Variants in ANKS1B observed in about 807,000 individuals in gnomAD.
ANKS1B encodes the protein ankyrin repeat and sterile alpha motif domain-containing protein 1B.
A neutral mutation model predicts 148.3 loss-of-function variants in ANKS1B; 36 were observed. That is an observed-to-expected ratio of 0.24 (90% CI 0.19 to 0.32). The LOEUF is 0.32. Ranked by LOEUF, ANKS1B falls within the 10% of genes least tolerant of loss-of-function variation. ANKS1B has a pLI of 1.00. For missense variants in ANKS1B, 1,157 were observed against 1,542.6 expected, an observed-to-expected ratio of 0.75 and a Z score of 4.19; for synonymous variants, 542 against 560.8, an observed-to-expected ratio of 0.97 and a Z score of 0.47.
At chr12:99,646,432 C>T (rs1051993232) in intron 9 of ANKS1B, among the ~76,000 whole-genome samples, 3 of 151,814 alleles carry the variant, frequency 2.0e-5, no homozygotes, top group African/African-American at 4.8e-5. Flanking sequence ...CCAAGGCGGG[C>T]GAATCACGAG....
chr12:99,649,215 T>C, intron 9 of ANKS1B: 1 of 1,167,014 alleles, frequency 8.6e-7, no homozygotes. Context: ...AATTTCTTTT[T>C]GTTGTTTACC....
At chr12:98,821,854 G>T (rs577979903) in intron 19 of ANKS1B, among the ~76,000 whole-genome samples, 1 of 151,574 alleles carries the variant, frequency 6.6e-6, no homozygotes, top group East Asian at 1.9e-4. Context: ...GTGATCCACC[G>T]GCCTCAGCCT....
intron 15 of ANKS1B, among the ~76,000 whole-genome samples, chr12:99,152,861 C>G (rs1367257148): frequency 6.6e-6 from 1 of 152,012 alleles, no homozygotes; most frequent in Non-Finnish European, 1.5e-5. Flanking sequence ...TTCTTAATGC[C>G]ATCTGTTTAG....
At chr12:99,369,812 G>A (rs1428715026) in intron 12 of ANKS1B, among the ~76,000 whole-genome samples, 14 of 144,840 alleles carry the variant, frequency 9.7e-5, no homozygotes, top group African/African-American at 2.1e-4. Context: ...ACAGACGGAC[G>A]GACGGACAGA....
At chr12:99,556,057 T>C (rs192427052) in intron 9 of ANKS1B, among the ~76,000 whole-genome samples, 9 of 152,332 alleles carry the variant, frequency 5.9e-5, no homozygotes, top group Non-Finnish European at 4.4e-5. Context: ...TGAATCCATC[T>C]GATCCAGGGC....
intron 12 of ANKS1B, among the ~76,000 whole-genome samples, chr12:99,297,681 C>T (rs372139454): frequency 6.6e-5 from 10 of 152,086 alleles, no homozygotes; most frequent in South Asian, 4.1e-4. Flanking sequence ...GTGGTCCTTA[C>T]GTGGCCTTCA....
rs79302914 is a variant in ANKS1B at position 99,840,426 on chromosome 12, G to C, written c.135-15037C>G. On this transcript the variant is annotated intron_variant, in intron 1 of 26. Coordinates refer to ENST00000683438, the MANE Select transcript of ANKS1B (RefSeq NM_001352186.2). Reference sequence around the variant, plus strand: ...ATCGGAGAGTTTTGAATGGAGAAATGACATGATCTGACTTGTATTCTGCTG... The same window carrying C: ...ATCGGAGAGTTTTGAATGGAGAAATCACATGATCTGACTTGTATTCTGCTG... Among the ~76,000 whole-genome samples, 1,227 of 152,196 alleles carry C rather than the reference G, an allele frequency of 8.1e-3. 16 individuals are homozygous for C. Among genetic ancestry groups the C allele is most frequent in the African/African-American group, 0.028 (1,161 of 41,532 alleles).
At chr12:98,878,159 ATT>A (rs57350939) in intron 17 of ANKS1B, among the ~76,000 whole-genome samples, 13 of 149,292 alleles carry the variant, frequency 8.7e-5, no homozygotes, top group East Asian at 3.9e-4. Context: ...ACATTTTCTA[ATT>A]TTTTTTTTCC....
At chr12:98,823,113 A>G (rs1487292142) in intron 19 of ANKS1B, among the ~76,000 whole-genome samples, 1 of 152,252 alleles carries the variant, frequency 6.6e-6, no homozygotes, top group Non-Finnish European at 1.5e-5. Context: ...TGTGTTGGTC[A>G]TAGCTGGCTA....
chr12:98,773,506 G>A (rs1318486133), intron 24 of ANKS1B, among the ~76,000 whole-genome samples: 1 of 152,174 alleles, frequency 6.6e-6, no homozygotes, highest in African/African-American at 2.4e-5. Flanking sequence ...TCAGGCTGAA[G>A]TGCAGTGGTG....
chr12:99,326,616 T>C (rs2086352545), intron 12 of ANKS1B, among the ~76,000 whole-genome samples: 2 of 152,096 alleles, frequency 1.3e-5, no homozygotes, highest in African/African-American at 4.8e-5. Context: ...ACTTGAGGGA[T>C]GAACTAAATG....
chr12:99,968,653 A>C (rs1013310892), intron 1 of ANKS1B, among the ~76,000 whole-genome samples: 4 of 152,160 alleles, frequency 2.6e-5, no homozygotes, highest in Non-Finnish European at 5.9e-5. Flanking sequence ...AATAAATCCC[A>C]CGTACATGGT....
intron 6 of ANKS1B, among the ~76,000 whole-genome samples, chr12:99,776,376 A>G (rs1277494179): frequency 1.3e-5 from 2 of 152,214 alleles, no homozygotes; most frequent in Non-Finnish European, 2.9e-5. Context: ...ACTATGACAC[A>G]TGCACTAAAT....
intron 9 of ANKS1B, among the ~76,000 whole-genome samples, chr12:99,567,801 T>G (rs1358790770): frequency 2.0e-5 from 3 of 152,170 alleles, no homozygotes; most frequent in Non-Finnish European, 4.4e-5. Context: ...AGACCATAAC[T>G]GCTCTTACCA....
At chr12:99,177,973 G>A (rs1030629784) in intron 14 of ANKS1B, among the ~76,000 whole-genome samples, 3 of 152,176 alleles carry the variant, frequency 2.0e-5, no homozygotes, top group African/African-American at 7.2e-5. Context: ...AGTGGCACGT[G>A]TTCACTGCAA....
intron 17 of ANKS1B, among the ~76,000 whole-genome samples, chr12:98,947,239 G>T (rs565103167): frequency 2.0e-5 from 3 of 152,250 alleles, no homozygotes; most frequent in African/African-American, 7.2e-5. Flanking sequence ...GAGTGAAAAA[G>T]ATCACTCTAG....
chr12:99,290,766 C>T (rs2079855036), intron 12 of ANKS1B, among the ~76,000 whole-genome samples: 1 of 151,974 alleles, frequency 6.6e-6, no homozygotes, highest in South Asian at 2.1e-4. Context: ...ATAGAAGAAA[C>T]ATACTTTAAC....
chr12:99,981,157 C>A (rs2095697157), intron 1 of ANKS1B, among the ~76,000 whole-genome samples: 1 of 152,018 alleles, frequency 6.6e-6, no homozygotes, highest in South Asian at 2.1e-4. Flanking sequence ...ACGATGAACA[C>A]CTATATGCTA....
intron 8 of ANKS1B, among the ~76,000 whole-genome samples, chr12:99,758,912 T>C (rs2061823854): frequency 1.3e-5 from 2 of 151,842 alleles, no homozygotes. Flanking sequence ...AAGGAAATCT[T>C]TCAAAGCTGG....
Sources: allele counts gnomAD v4.1 joint callset (sites outside exome capture counted in the v4.1 genomes callset), GRCh38; gene constraint gnomAD v4.1.1; transcripts MANE v1.5; gene names NCBI Gene and HGNC (gene_info 2026-07-23, HGNC 2026-07-21).